MYO6: variants seen among roughly 807,000 people sequenced by gnomAD.
MYO6 encodes unconventional myosin-VI.
In MYO6, 74 loss-of-function variants were observed where a neutral mutation model predicts 178.7. The ratio of observed to expected loss-of-function variants is 0.41; its 90% confidence interval spans 0.34 to 0.50. The LOEUF (loss-of-function observed/expected upper bound fraction) is 0.50. MYO6 is among the 20% of genes least tolerant of loss of function. The pLI is 0.09. For missense variants in MYO6, 1,330 were observed against 1,547.4 expected (o/e 0.86, Z 2.36); for synonymous variants, 477 against 504.6 (o/e 0.95, Z 0.73).
At chr6:75,808,646 G>A (rs1227470051) in intron 1 of MYO6, among the ~76,000 whole-genome samples, 4 of 152,148 alleles carry the variant, frequency 2.6e-5, no homozygotes, top group African/African-American at 4.8e-5. Context: ...TGTGAACCCA[G>A]AATATCTAAG....
rs1300714814 is a variant in MYO6 at position 75,819,914 on chromosome 6, G to T, written c.117+2250G>T. ...ACAAAAAATTTAAAAAATTAGCTGG[G>T]TGTGGTGGTACATGCCTGTTTTAGC... On this transcript the variant is annotated intron_variant, in intron 2 of 34. Coordinates refer to ENST00000369977, the MANE Select transcript of MYO6 (RefSeq NM_004999.4). Among the ~76,000 whole-genome samples, 10 of 152,148 alleles carry T rather than the reference G, an allele frequency of 6.6e-5. No individual in the cohort carries two copies. The East Asian group carries it at 1.7e-3, about 27-fold the overall frequency.
rs563348152 is a variant in MYO6 at position 75,858,301 on chromosome 6, T to C, written c.1382-601T>C. ...TTGTGCTTAATTTAGATTGCTTTAATACCTGTGCTTTAAAAAATTGTTGGC... is the reference window on the plus strand; with the variant it reads ...TTGTGCTTAATTTAGATTGCTTTAACACCTGTGCTTTAAAAAATTGTTGGC... On this transcript the variant is annotated intron_variant, in intron 13 of 34. Transcript: ENST00000369977. Among the ~76,000 whole-genome samples, 18 of 152,304 alleles carry C rather than the reference T, an allele frequency of 1.2e-4. 1 individual carries two copies. The South Asian group carries it at 2.1e-3, about 18-fold the overall frequency.
At chr6:75,893,256 A>G (rs1583389430) in intron 28 of MYO6, among the ~76,000 whole-genome samples, 1 of 152,198 alleles carries the variant, frequency 6.6e-6, no homozygotes, top group East Asian at 1.9e-4. Context: ...GCACTCCACT[A>G]TAGTGGAGTG....
At chr6:75,796,629 CT>C (rs143090177) in intron 1 of MYO6, among the ~76,000 whole-genome samples, 26,960 of 132,328 alleles carry the variant, frequency 0.2, 3,155 homozygotes, top group Middle Eastern at 0.32. Flanking sequence ...TGACTCCCAT[CT>C]TTTTTTTTTT....
chr6:75,898,722 C>T (rs1016167277), intron 30 of MYO6, among the ~76,000 whole-genome samples: 1 of 152,172 alleles, frequency 6.6e-6, no homozygotes, highest in Admixed American at 6.6e-5. Flanking sequence ...ACTTCTTCCC[C>T]TCATCATGAC....
At position 75,907,663 on chromosome 6, in the gene MYO6, A is replaced by G. The variant is rs763830362; in HGVS notation, c.3235A>G (p.Lys1079Glu). The G allele has an allele frequency of 7.4e-6, 12 of 1,613,594 alleles. No homozygotes were observed. The Admixed American group carries it at 2.0e-4, about 27-fold the overall frequency. Residue 1079 changes from lysine to glutamate, a missense_variant, in exon 31 of 35, where the codon AAA becomes GAA. Lys to Glu is a moderately conservative substitution (Grantham distance 56). Transcript: ENST00000369977. ...TGGTACTAAGAAATATGATCTTAGT[A>G]AATGGAAATATGCAGAACTACGTGA... ...AAGTKKYDLS[K>E]WKYAELRDTI...
At chr6:75,803,001 A>T (rs1177535346) in intron 1 of MYO6, among the ~76,000 whole-genome samples, 3 of 152,192 alleles carry the variant, frequency 2.0e-5, no homozygotes, top group African/African-American at 7.2e-5. Flanking sequence ...GCTTTTTCTG[A>T]AAAAGTCTAC....
chr6:75,834,508 C>T (rs548618138), intron 6 of MYO6, among the ~76,000 whole-genome samples: 12 of 152,296 alleles, frequency 7.9e-5, no homozygotes, highest in African/African-American at 2.9e-4. Flanking sequence ...GCTGGGATTA[C>T]AGGCATGAGC....
intron 24 of MYO6, among the ~76,000 whole-genome samples, chr6:75,886,310 G>A (rs1308167168): frequency 1.3e-5 from 2 of 152,050 alleles, no homozygotes; most frequent in African/African-American, 4.8e-5. Flanking sequence ...GATTTGAAGT[G>A]GCATACAAAA....
At position 75,855,184 on chromosome 6, in the gene MYO6, G is replaced by A; in HGVS notation, c.1124G>A (p.Cys375Tyr). 1 of 1,612,810 alleles carries A rather than the reference G, an allele frequency of 6.2e-7. No homozygotes were observed. Among genetic ancestry groups the A allele is most frequent in the Non-Finnish European group, 8.5e-7 (1 of 1,179,016 alleles). Reference sequence around the variant, plus strand: ...AAATCTGCTCAGTCTTTGGAATATTGTGCTGAATTACTGGGTTTGGACCAA... The same window carrying A: ...AAATCTGCTCAGTCTTTGGAATATTATGCTGAATTACTGGGTTTGGACCAA... ...KNKSAQSLEY[C>Y]AELLGLDQDD... The change falls in exon 12 of 35, where the codon TGT becomes TAT. Residue 375 changes from cysteine to tyrosine, a missense_variant. Coordinates refer to ENST00000369977, the MANE Select transcript of MYO6 (RefSeq NM_004999.4).
chr6:75,759,548 A>G (rs980805577), intron 1 of MYO6, among the ~76,000 whole-genome samples: 1 of 150,642 alleles, frequency 6.6e-6, no homozygotes, highest in African/African-American at 2.4e-5. Flanking sequence ...GACTTACTTT[A>G]CTAGAACCCA....
chr6:75,906,670 C>A (rs1055892476), intron 30 of MYO6, among the ~76,000 whole-genome samples: 3 of 151,820 alleles, frequency 2.0e-5, no homozygotes, highest in Admixed American at 6.6e-5. Context: ...AGCCAGACCC[C>A]TTCTCAAAAA....
At chr6:75,872,853 C>T (rs1429884116) in intron 19 of MYO6, among the ~76,000 whole-genome samples, 1 of 151,372 alleles carries the variant, frequency 6.6e-6, no homozygotes, top group Non-Finnish European at 1.5e-5. Flanking sequence ...GATCTCAGCT[C>T]ACTGCAACCT....
In MYO6 at chr6:75,803,041, G is replaced by A. The variant is rs1367496195; in HGVS notation, c.-47-14460G>A. ...TGTCCATATTATTGTAATAACGATTGCATATATTATATGAATTATGTCTAA... is the reference window on the plus strand; with the variant it reads ...TGTCCATATTATTGTAATAACGATTACATATATTATATGAATTATGTCTAA... On this transcript the variant is annotated intron_variant, in intron 1 of 34. Coordinates refer to ENST00000369977, the MANE Select transcript of MYO6 (RefSeq NM_004999.4). Among the ~76,000 whole-genome samples the A allele has an allele frequency of 7.9e-5, 12 of 152,076 alleles. No individual in the cohort carries two copies. In the East Asian group the frequency reaches 2.3e-3, roughly 29 times the overall value.
rs566319158 is a variant in MYO6, at chr6:75,786,830, C to T, written c.-47-30671C>T. 2.0e-5 allele frequency among the ~76,000 whole-genome samples: 3 copies of T among 152,244 alleles called. No homozygotes were observed. In the East Asian group the frequency reaches 5.8e-4, roughly 29 times the overall value. On this transcript the variant is annotated intron_variant, in intron 1 of 34. Transcript: ENST00000369977. ...TGTAAGTTGACATGCTGTCCCTTTA[C>T]CCCTAAACACTTCAGTGTGTATTTC... is the stretch of plus-strand genomic sequence containing the variant.
intron 20 of MYO6, among the ~76,000 whole-genome samples, chr6:75,877,994 A>G (rs769459262): frequency 7.9e-5 from 12 of 152,188 alleles, no homozygotes; most frequent in Non-Finnish European, 1.8e-4. Flanking sequence ...AAAAACTGTG[A>G]TGATACTAAC....
rs1780997769 is a variant in MYO6 at position 75,914,394 on chromosome 6, A to G, written c.3658+113A>G. 3.6e-6 allele frequency: 4 copies of G among 1,102,670 alleles called. No homozygotes were observed. The Admixed American group carries it at 8.0e-5, about 22-fold the overall frequency. 68.3% of individuals were successfully genotyped at this position (1,102,670 alleles called of 1,614,324 possible). A position where few individuals can be genotyped will look rare whatever the true frequency, so the allele number is the denominator to read the frequency against. ...ATTTATTACATTTCAGGGTTGAGGG[A>G]TGGAGTCTTGCGGTTAAATCACATT... On this transcript the variant is annotated intron_variant, in intron 34 of 34. Transcript: ENST00000369977.
intron 11 of MYO6, among the ~76,000 whole-genome samples, chr6:75,851,888 A>G (rs1257920174): frequency 2.0e-5 from 3 of 152,178 alleles, no homozygotes; most frequent in Non-Finnish European, 2.9e-5. Context: ...TTATTCTCCA[A>G]TAAGCACTTA....
chr6:75,877,709 CTCAT>C (rs2149337946), intron 20 of MYO6, among the ~76,000 whole-genome samples: 1 of 152,044 alleles, frequency 6.6e-6, no homozygotes, highest in East Asian at 1.9e-4. Context: ...CGAGAAGCCA[CTCAT>C]CAAACTCCAA....
Sources: gnomAD v4.1 joint callset for allele counts (sites outside exome capture counted in the v4.1 genomes callset) on GRCh38, gnomAD v4.1.1 for gene constraint, MANE v1.5 for transcripts, NCBI Gene and HGNC (gene_info 2026-07-23, HGNC 2026-07-21) for gene names.